Variants in SLC8A1 observed in about 807,000 individuals in gnomAD.
The protein encoded by SLC8A1 is sodium/calcium exchanger 1.
In SLC8A1, 18 loss-of-function variants were observed where a neutral mutation model predicts 68.3. The ratio of observed to expected loss-of-function variants is 0.26; its 90% CI spans 0.18 to 0.39. SLC8A1 has a LOEUF of 0.39. Among genes scored for constraint, SLC8A1 ranks in the 10% least tolerant of loss-of-function variants. The pLI is 1.00. For synonymous variants in SLC8A1, 475 were observed against 415.5 expected (o/e 1.14, Z -1.74); for missense variants, 985 against 1,156.7 (o/e 0.85, Z 2.15).
chr2:40,459,003 G>C (rs919763824), intron 1 of SLC8A1, among the ~76,000 whole-genome samples: 1 of 152,286 alleles, frequency 6.6e-6, no homozygotes, highest in Admixed American at 6.5e-5. Context: ...GAATTCATTT[G>C]TTCACTCATT....
At chr2:40,111,315 T>A (rs1016652521) in exon 8 of SLC8A1, 1 of 152,180 alleles carries the variant, frequency 6.6e-6, no homozygotes, top group African/African-American at 2.4e-5. Flanking sequence ...TTAATCTTTT[T>A]GCTATATAAA....
At chr2:40,445,137 C>G (rs549021091) in intron 1 of SLC8A1, among the ~76,000 whole-genome samples, 3 of 152,122 alleles carry the variant, frequency 2.0e-5, no homozygotes, top group Admixed American at 6.6e-5. Context: ...AAACCACAAG[C>G]CTTTTTAATA....
chr2:40,228,136 G>A (rs1398080361), intron 2 of SLC8A1, among the ~76,000 whole-genome samples: 1 of 152,124 alleles, frequency 6.6e-6, no homozygotes, highest in Middle Eastern at 3.2e-3. Context: ...ACAAATTCCT[G>A]TTCACTGCTA....
intron 2 of SLC8A1, chr2:40,250,222 C>T (rs1037524604): frequency 2.0e-5 from 3 of 152,108 alleles, no homozygotes; most frequent in Non-Finnish European, 4.4e-5. Context: ...GTAAAGAGAA[C>T]AGGATTTTGG....
chr2:40,272,602 G>C (rs1458743513), intron 2 of SLC8A1, among the ~76,000 whole-genome samples: 2 of 152,336 alleles, frequency 1.3e-5, no homozygotes, highest in Non-Finnish European at 1.5e-5. Flanking sequence ...TGCCTTATCT[G>C]TTGAGAAGCT....
At chr2:40,384,388 T>A (rs1682904228) in intron 2 of SLC8A1, among the ~76,000 whole-genome samples, 1 of 152,156 alleles carries the variant, frequency 6.6e-6, no homozygotes, top group Admixed American at 6.6e-5. Flanking sequence ...TGAAATTTGA[T>A]GAAAACACAA....
chr2:40,255,908 C>T (rs1251593131), intron 2 of SLC8A1, among the ~76,000 whole-genome samples: 1 of 151,994 alleles, frequency 6.6e-6, no homozygotes, highest in Admixed American at 6.6e-5. Context: ...GTCTGGTGTT[C>T]TCTGGCACCA....
intron 6 of SLC8A1, 36 bp from the exon 10 acceptor site, chr2:40,139,712 C>T (rs1292409646): frequency 6.3e-7 from 1 of 1,591,512 alleles, no homozygotes; most frequent in Admixed American, 1.7e-5. Context: ...TTCATCACAA[C>T]CTGTGTTGCC....
At chr2:40,146,777 C>T (rs956756478) in intron 6 of SLC8A1, among the ~76,000 whole-genome samples, 1 of 152,056 alleles carries the variant, frequency 6.6e-6, no homozygotes, top group African/African-American at 2.4e-5. Flanking sequence ...CTGGACTGTT[C>T]TTGGATGGAG....
At position 40,400,719 on chromosome 2, in the gene SLC8A1, A is replaced by C. The variant is rs188841701; in HGVS notation, c.1808+27754T>G. 3.0e-3 allele frequency among the ~76,000 whole-genome samples: 462 copies of C among 152,278 alleles called. 1 individual carries two copies. Among genetic ancestry groups the C allele is most frequent in the African/African-American group, 0.011 (441 of 41,566 alleles). On this transcript the variant is annotated intron_variant, in intron 2 of 7. Transcript: ENST00000406785. ...AGAGAGCCACGGAAAGAAAGGTACC[A>C]GTTCCCTTGCAAGATGGGGGTAGGA... is the stretch of plus-strand genomic sequence containing the variant.
chr2:40,389,433 C>G (rs572675515), intron 2 of SLC8A1, among the ~76,000 whole-genome samples: 1 of 152,048 alleles, frequency 6.6e-6, no homozygotes, highest in African/African-American at 2.4e-5. Flanking sequence ...TTTCCTCACT[C>G]TGAAAGATAA....
At chr2:40,221,076 C>CAACA (rs780293856) in intron 2 of SLC8A1, among the ~76,000 whole-genome samples, 97 of 151,736 alleles carry the variant, frequency 6.4e-4, no homozygotes, top group African/African-American at 2.2e-3. Context: ...ACAACAACAA[C>CAACA]AAAAAAGAAA....
At chr2:40,485,281 T>G (rs913427699) in intron 1 of SLC8A1, among the ~76,000 whole-genome samples, 1 of 152,176 alleles carries the variant, frequency 6.6e-6, no homozygotes, top group Non-Finnish European at 1.5e-5. Flanking sequence ...AAATTGGAAC[T>G]ACATCAATGT....
At chr2:40,170,790 G>A (rs2047341549) in intron 4 of SLC8A1, among the ~76,000 whole-genome samples, 1 of 152,208 alleles carries the variant, frequency 6.6e-6, no homozygotes, top group African/African-American at 2.4e-5. Context: ...AACCATTATA[G>A]AAATAGTGTA....
intron 2 of SLC8A1, among the ~76,000 whole-genome samples, chr2:40,273,448 C>T (rs890924362): frequency 2.0e-5 from 3 of 152,082 alleles, no homozygotes; most frequent in Non-Finnish European, 2.9e-5. Context: ...AAGCTTCCTA[C>T]GAATGGATGA....
intron 1 of SLC8A1, among the ~76,000 whole-genome samples, chr2:40,508,083 T>C (rs945520906): frequency 3.9e-5 from 6 of 152,140 alleles, no homozygotes; most frequent in Non-Finnish European, 7.4e-5. Context: ...TCATTTCATA[T>C]ATAATTGCAC....
chr2:40,300,551 T>G (rs1156279881), intron 2 of SLC8A1, among the ~76,000 whole-genome samples: 1 of 152,204 alleles, frequency 6.6e-6, no homozygotes, highest in African/African-American at 2.4e-5. Flanking sequence ...ACATGCATGG[T>G]AAACTAGTTT....
At chr2:40,188,748 T>TAAGTC (rs1393120722) in intron 2 of SLC8A1, among the ~76,000 whole-genome samples, 4 of 152,180 alleles carry the variant, frequency 2.6e-5, no homozygotes, top group Non-Finnish European at 5.9e-5. Context: ...TGGGCTTTCT[T>TAAGTC]AAGTCTTAAA....
chr2:40,196,219 G>T (rs993871743), intron 2 of SLC8A1, among the ~76,000 whole-genome samples: 1 of 152,000 alleles, frequency 6.6e-6, no homozygotes, highest in Admixed American at 6.6e-5. Flanking sequence ...TAATGTTGGT[G>T]GTGGTACGCT....
Sources: gnomAD v4.1 joint callset for allele counts (sites outside exome capture counted in the v4.1 genomes callset) on GRCh38, gnomAD v4.1.1 for gene constraint, MANE v1.5 for transcripts, NCBI Gene and HGNC (gene_info 2026-07-23, HGNC 2026-07-21) for gene names.